The following IGF1R variants were observed in gnomAD, a reference collection of about 807,000 sequenced individuals.
IGF1R encodes the protein insulin-like growth factor 1 receptor.
A neutral mutation model predicts 144.6 loss-of-function variants in IGF1R; 44 were observed. That is an observed-to-expected ratio of 0.30 (90% CI 0.24 to 0.39). The LOEUF is 0.39. IGF1R is among the 10% of genes least tolerant of loss of function. IGF1R has a pLI of 1.00. For synonymous variants in IGF1R, 795 were observed against 722.8 expected (o/e 1.10, Z -1.60); for missense variants, 1,355 against 1,833.7 (o/e 0.74, Z 4.77).
chr15:98,657,183 A>G (rs1490964890), intron 1 of IGF1R, among the ~76,000 whole-genome samples: 1 of 152,246 alleles, frequency 6.6e-6, no homozygotes, highest in Non-Finnish European at 1.5e-5. Context: ...AGTTTAGTCA[A>G]TAGAACTTTA....
In IGF1R at chr15:98,930,104, G is replaced by A. The variant is rs1052305862; in HGVS notation, c.2886-131G>A. The A allele has an allele frequency of 8.1e-6, 6 of 740,996 alleles. No individual in the cohort carries two copies. The African/African-American group carries it at 1.0e-4, about 13-fold the overall frequency. 45.9% of individuals were successfully genotyped at this position (740,996 alleles called of 1,614,324 possible). A position where few individuals can be genotyped will look rare whatever the true frequency, so the allele number is the denominator to read the frequency against. ...GTGTAGACAAGAGCTGCTGTAGACA[G>A]TAAGCTCTCCCCATTCTGTTCTGAT... On this transcript the variant is annotated intron_variant, in intron 14 of 20. Transcript: ENST00000650285.
At chr15:98,863,494 A>G (rs538646500) in intron 2 of IGF1R, among the ~76,000 whole-genome samples, 2 of 152,110 alleles carry the variant, frequency 1.3e-5, no homozygotes, top group African/African-American at 4.8e-5. Context: ...GTGATTTTCT[A>G]TTTCTGTTTT....
intron 2 of IGF1R, among the ~76,000 whole-genome samples, chr15:98,823,654 C>G (rs1323040598): frequency 1.3e-5 from 2 of 152,158 alleles, no homozygotes; most frequent in Non-Finnish European, 2.9e-5. Flanking sequence ...CTGGTCTGAG[C>G]CCAGTGGCAT....
In IGF1R at chr15:98,891,727, C is replaced by T. The variant is rs188607735; in HGVS notation, c.953+90C>T. 3,324 of 1,310,790 alleles carry T rather than the reference C, an allele frequency of 2.5e-3. 8 individuals carry two copies. Among genetic ancestry groups the T allele is most frequent in the Non-Finnish European group, 3.1e-3 (2,925 of 937,656 alleles). 81.2% of individuals were successfully genotyped at this position (1,310,790 alleles called of 1,614,324 possible). ...GGTAGACTCTGTCGGTTGTTTCATC[C>T]GGGTGCAGCCCTCAGGAAGTTCACT... On this transcript the variant is annotated intron_variant, in intron 3 of 20. Transcript: ENST00000650285. This position sits in a 1 kb window ranked among gnomAD's most constrained non-coding sequence, Gnocchi z 4.7.
intron 2 of IGF1R, among the ~76,000 whole-genome samples, chr15:98,735,016 G>T (rs753145194): frequency 1.1e-4 from 17 of 152,058 alleles, no homozygotes; most frequent in Non-Finnish European, 2.1e-4. Context: ...TCCTGGTCCT[G>T]TGTGAGACCC....
intron 2 of IGF1R, among the ~76,000 whole-genome samples, chr15:98,770,870 G>A (rs1260716529): frequency 6.6e-6 from 1 of 152,142 alleles, no homozygotes; most frequent in African/African-American, 2.4e-5. Context: ...TCGTCTGTAT[G>A]CATTTTTCTT....
intron 2 of IGF1R, among the ~76,000 whole-genome samples, chr15:98,747,347 C>T (rs1375903208): frequency 1.3e-5 from 2 of 152,100 alleles, no homozygotes; most frequent in African/African-American, 4.8e-5. Flanking sequence ...CAGGCACCCA[C>T]CGCCACACCC....
At chr15:98,825,664 C>T (rs567714705) in intron 2 of IGF1R, among the ~76,000 whole-genome samples, 23 of 152,322 alleles carry the variant, frequency 1.5e-4, no homozygotes, top group South Asian at 6.2e-4. Context: ...TTGTCTTCTA[C>T]GGAACCGATC....
At chr15:98,908,960 C>G in intron 6 of IGF1R, 61 bp downstream of exon 6, 3 of 1,459,640 alleles carry the variant, frequency 2.1e-6, no homozygotes, top group Non-Finnish European at 2.8e-6. Flanking sequence ...AGACCCTCCT[C>G]CCATGTGTGA....
chr15:98,756,528 G>A (rs2055160032), intron 2 of IGF1R, among the ~76,000 whole-genome samples: 1 of 151,522 alleles, frequency 6.6e-6, no homozygotes, highest in Non-Finnish European at 1.5e-5. Flanking sequence ...ACATATTTTT[G>A]CTCTTTTTTT....
chr15:98,673,058 G>A (rs1009086577), intron 1 of IGF1R, among the ~76,000 whole-genome samples: 4 of 152,082 alleles, frequency 2.6e-5, no homozygotes, highest in African/African-American at 9.7e-5. Flanking sequence ...GCAGTGGTGT[G>A]ATCATGGCTC....
At chr15:98,888,834 G>A (rs1211208024) in intron 2 of IGF1R, among the ~76,000 whole-genome samples, 1 of 152,230 alleles carries the variant, frequency 6.6e-6, no homozygotes. Flanking sequence ...GAAGTCTGGA[G>A]TAAGCAGTCC....
chr15:98,937,855 A>T (rs145012619), intron 17 of IGF1R, among the ~76,000 whole-genome samples: 5 of 152,216 alleles, frequency 3.3e-5, no homozygotes, highest in Non-Finnish European at 7.3e-5. Flanking sequence ...TTTACATTTC[A>T]TGTGCATATT....
intron 18 of IGF1R, among the ~76,000 whole-genome samples, chr15:98,940,196 T>C (rs1052346367): frequency 8.5e-5 from 13 of 152,258 alleles, no homozygotes; most frequent in Non-Finnish European, 1.6e-4. Context: ...AATGATAGTT[T>C]AGAAAAATAC....
At chr15:98,663,751 G>A (rs1236623943) in intron 1 of IGF1R, among the ~76,000 whole-genome samples, 2 of 152,220 alleles carry the variant, frequency 1.3e-5, no homozygotes, top group African/African-American at 2.4e-5. Flanking sequence ...CCCGAGGCTG[G>A]GAGAGGGCGG....
intron 1 of IGF1R, among the ~76,000 whole-genome samples, chr15:98,689,833 G>A (rs1018679732): frequency 2.0e-5 from 3 of 152,108 alleles, no homozygotes; most frequent in African/African-American, 7.2e-5. Context: ...TGTGAGTGAG[G>A]GCAGGGGCCA....
At chr15:98,682,518 T>G (rs1305119128) in intron 1 of IGF1R, among the ~76,000 whole-genome samples, 1 of 152,186 alleles carries the variant, frequency 6.6e-6, no homozygotes, top group Non-Finnish European at 1.5e-5. Flanking sequence ...TACATTTTCC[T>G]TAGGCACAGA....
intron 2 of IGF1R, among the ~76,000 whole-genome samples, chr15:98,762,141 T>C (rs1193080374): frequency 2.6e-5 from 4 of 152,226 alleles, no homozygotes; most frequent in Non-Finnish European, 5.9e-5. Flanking sequence ...CCTGCACATG[T>C]AGAGTGACCA....
chr15:98,774,396 C>T (rs560296404), intron 2 of IGF1R, among the ~76,000 whole-genome samples: 1 of 152,292 alleles, frequency 6.6e-6, no homozygotes, highest in Non-Finnish European at 1.5e-5. Context: ...CCATTGATTG[C>T]ACAGGGACTG....
Sources: gnomAD v4.1 joint callset for allele counts (sites outside exome capture counted in the v4.1 genomes callset) on GRCh38, gnomAD v4.1.1 for gene constraint, Gnocchi (gnomAD v3.1) non-coding constraint, MANE v1.5 for transcripts, NCBI Gene and HGNC (gene_info 2026-07-23, HGNC 2026-07-21) for gene names.